DTNA: variants seen among roughly 807,000 people sequenced by gnomAD.
DTNA encodes the protein dystrobrevin alpha.
Under a neutral mutation model 100.7 loss-of-function variants are expected in DTNA, and 43 were observed. That is an observed-to-expected ratio of 0.43 (90% CI 0.33 to 0.55). The LOEUF is 0.55. Ranked by LOEUF, DTNA falls within the 20% of genes least tolerant of loss-of-function variation. DTNA has a pLI of 0.04. For synonymous variants in DTNA, 349 were observed against 347.9 expected (o/e 1.00, Z -0.04); for missense variants, 798 against 953.9 (o/e 0.84, Z 2.15).
At chr18:34,542,223 T>A (rs1258789193) in intron 1 of DTNA, among the ~76,000 whole-genome samples, 1 of 152,134 alleles carries the variant, frequency 6.6e-6, no homozygotes, top group African/African-American at 2.4e-5. Context: ...AATTTAGATT[T>A]AGTGAATAGT....
chr18:34,543,100 A>G (rs2044409909), intron 1 of DTNA, among the ~76,000 whole-genome samples: 1 of 152,058 alleles, frequency 6.6e-6, no homozygotes, highest in Non-Finnish European at 1.5e-5. Context: ...AGTCTGCTTT[A>G]TTAATCTCAC....
Position 34,721,975 on chromosome 18 carries a change from T to G in DTNA, c.-2+11530T>G, listed in dbSNP as rs573322733. On this transcript the variant is annotated intron_variant, in intron 1 of 22. Transcript: ENST00000444659. ...GATTGTCAGTATTAGGGTTTTCCGG[T>G]TTGGCTAAAGTGAAGCTCCTTACTT... 1.5e-4 allele frequency among the ~76,000 whole-genome samples: 23 copies of G among 152,310 alleles called. No individual in the cohort carries two copies. The South Asian group carries it at 1.9e-3, about 12-fold the overall frequency.
At chr18:34,824,900 A>G (rs1308431250) in intron 9 of DTNA, among the ~76,000 whole-genome samples, 1 of 151,286 alleles carries the variant, frequency 6.6e-6, no homozygotes, top group African/African-American at 2.4e-5. Context: ...CTATGTAACA[A>G]GTTAACATTT....
At chr18:34,817,862 G>A (rs2095630794) in intron 7 of DTNA, 1 of 1,026,308 alleles carries the variant, frequency 9.7e-7, no homozygotes, top group East Asian at 5.2e-5. Context: ...AAGTCTGTTT[G>A]GCTAATTTAA....
intron 4 of DTNA, among the ~76,000 whole-genome samples, chr18:34,800,504 T>C (rs1386437281): frequency 6.6e-6 from 1 of 152,158 alleles, no homozygotes; most frequent in Non-Finnish European, 1.5e-5. Context: ...AGTAGAGGCA[T>C]GTTGTGGAAG....
rs61242937 is a variant in DTNA, at chr18:34,769,725, C to CTTTTTTTTTTTTTTTTTT, written c.148+3699_148+3700insTTTTTTTTTTTTTTTTTT. ...GAAGAAGCAAGGCAGCCCTCTGGGG[C>CTTTTTTTTTTTTTTTTTT]TTTTTTTTTTTTTTTGACAGAGTTT... On this transcript the variant is annotated intron_variant, in intron 3 of 22. Coordinates refer to ENST00000444659, the MANE Select transcript of DTNA (RefSeq NM_001386795.1). Among the ~76,000 whole-genome samples, 8 of 53,874 alleles carry CTTTTTTTTTTTTTTTTTT rather than the reference C, an allele frequency of 1.5e-4. 2 individuals are homozygous for CTTTTTTTTTTTTTTTTTT. Among genetic ancestry groups the CTTTTTTTTTTTTTTTTTT allele is most frequent in the Admixed American group, 3.0e-4 (1 of 3,306 alleles). The allele number at this position is 53,874 out of a possible 152,430, so 35.3% of individuals were successfully genotyped here.
chr18:34,595,367 T>C (rs1230675573), intron 1 of DTNA, among the ~76,000 whole-genome samples: 3 of 151,884 alleles, frequency 2.0e-5, no homozygotes, highest in Non-Finnish European at 4.4e-5. Flanking sequence ...GGATTTGGGT[T>C]TTTTTTCAGT....
intron 1 of DTNA, among the ~76,000 whole-genome samples, chr18:34,527,463 A>G (rs2042738082): frequency 6.6e-6 from 1 of 152,096 alleles, no homozygotes; most frequent in Non-Finnish European, 1.5e-5. Flanking sequence ...AAACTTCAGC[A>G]AAATGAGACA....
intron 3 of DTNA, among the ~76,000 whole-genome samples, chr18:34,791,144 C>T (rs975899170): frequency 6.6e-6 from 1 of 152,144 alleles, no homozygotes; most frequent in Non-Finnish European, 1.5e-5. Flanking sequence ...GATAATTCCA[C>T]CACTGGGAAT....
intron 1 of DTNA, among the ~76,000 whole-genome samples, chr18:34,687,202 C>T (rs1355629825): frequency 6.6e-6 from 1 of 152,086 alleles, no homozygotes; most frequent in Non-Finnish European, 1.5e-5. Flanking sequence ...TTTGTTTGCT[C>T]TTGCTTCTCT....
chr18:34,580,470 G>C (rs1253890635), intron 1 of DTNA, among the ~76,000 whole-genome samples: 2 of 152,046 alleles, frequency 1.3e-5, no homozygotes, highest in African/African-American at 2.4e-5. Context: ...GCTGTGTGTG[G>C]GGTCGGGGGG....
intron 1 of DTNA, among the ~76,000 whole-genome samples, chr18:34,568,791 T>G (rs1243797274): frequency 6.6e-6 from 1 of 152,120 alleles, no homozygotes; most frequent in African/African-American, 2.4e-5. Context: ...GCCTGGCTAA[T>G]TTTTGTATTT....
chr18:34,861,813 GA>G lies in DTNA; in HGVS notation c.1647-2152del, dbSNP rs373081703. Among the ~76,000 whole-genome samples, 421 of 152,216 alleles carry G rather than the reference GA, an allele frequency of 2.8e-3. 5 individuals carry two copies. The highest frequency in any genetic ancestry group is 9.9e-3 in the African/African-American group (411 of 41,546). On this transcript the variant is annotated intron_variant, in intron 16 of 22. Transcript: ENST00000444659. The stretch of plus-strand genomic sequence containing the variant: ...CTACTGTAAGATAAATGTACAATTA[GA>G]TTTTTTTAGTGTTGACTAATTCTAA...
In DTNA at chr18:34,508,941, A is replaced by G. The variant is rs191695669; in HGVS notation, c.-2+15427A>G. 3.1e-3 allele frequency among the ~76,000 whole-genome samples: 467 copies of G among 152,268 alleles called. 4 individuals are homozygous for G. The highest frequency in any genetic ancestry group is 1.6e-3 in the Non-Finnish European group (109 of 68,010). On this transcript the variant is annotated intron_variant, in intron 1 of 19. Coordinates refer to the DTNA transcript ENST00000283365. Reference sequence around the variant, plus strand: ...ATCTGCTTTTCATTTAAGATGACACATATTCTTGGTTTAGAAAAATATTAC... The same window carrying G: ...ATCTGCTTTTCATTTAAGATGACACGTATTCTTGGTTTAGAAAAATATTAC...
chr18:34,686,260 A>G, intron 1 of DTNA, among the ~76,000 whole-genome samples: 1 of 149,768 alleles, frequency 6.7e-6, no homozygotes, highest in Non-Finnish European at 1.5e-5. Flanking sequence ...ATTCAGTATG[A>G]TTTTGGCTGT....
chr18:34,552,990 A>G (rs1374516654), intron 1 of DTNA, among the ~76,000 whole-genome samples: 10 of 150,410 alleles, frequency 6.6e-5, no homozygotes, highest in Non-Finnish European at 1.5e-4. Context: ...TTACAGTCCC[A>G]CCAACAGTGT....
chr18:34,685,616 T>C (rs527960431), intron 1 of DTNA, among the ~76,000 whole-genome samples: 1 of 152,240 alleles, frequency 6.6e-6, no homozygotes, highest in Non-Finnish European at 1.5e-5. Flanking sequence ...GTCTTGGCTA[T>C]ACAGGCTCTT....
intron 1 of DTNA, among the ~76,000 whole-genome samples, chr18:34,704,439 A>G (rs1401573061): frequency 6.6e-6 from 1 of 152,224 alleles, no homozygotes; most frequent in African/African-American, 2.4e-5. Flanking sequence ...CTGGGAAAAT[A>G]CACCTAATAT....
chr18:34,858,180 A>T, intron 15 of DTNA, 105 bp from the exon 16 acceptor site: 1 of 1,036,880 alleles, frequency 9.6e-7, no homozygotes, highest in Non-Finnish European at 1.5e-6. Flanking sequence ...TCCTAAACAT[A>T]GGATGATCCC....
Sources: gnomAD v4.1 joint callset for allele counts (sites outside exome capture counted in the v4.1 genomes callset) on GRCh38, gnomAD v4.1.1 for gene constraint, MANE v1.5 for transcripts, NCBI Gene and HGNC (gene_info 2026-07-23, HGNC 2026-07-21) for gene names.